NAALADL2: variants seen among roughly 807,000 people sequenced by gnomAD.
NAALADL2 encodes the protein inactive N-acetylated-alpha-linked acidic dipeptidase-like protein 2.
NAALADL2 carries 76 observed loss-of-function variants against 87.2 expected under a neutral mutation model. The ratio of observed to expected loss-of-function variants is 0.87; its 90% CI spans 0.72 to 1.05. NAALADL2 has a LOEUF of 1.05. NAALADL2 is among the 50% of genes least tolerant of loss of function. The pLI is 0.00. For synonymous variants in NAALADL2, 354 were observed against 331.0 expected, an observed-to-expected ratio of 1.07 and a Z score of -0.75; for missense variants, 1,089 against 945.8, an observed-to-expected ratio of 1.15 and a Z score of -1.99.
intron 1 of NAALADL2, among the ~76,000 whole-genome samples, chr3:174,934,526 C>T (rs1167335517): frequency 6.6e-6 from 1 of 151,796 alleles, no homozygotes; most frequent in Non-Finnish European, 1.5e-5. Context: ...AAATATCAAC[C>T]ATGTGCCGAG....
intron 9 of NAALADL2, among the ~76,000 whole-genome samples, chr3:175,540,629 T>C (rs185373773): frequency 8.8e-4 from 134 of 152,170 alleles, no homozygotes; most frequent in African/African-American, 3.2e-3. Flanking sequence ...AGAAGGCCAT[T>C]GCAATAGTAA....
chr3:175,334,237 G>C (rs1451393530), intron 5 of NAALADL2, among the ~76,000 whole-genome samples: 2 of 152,012 alleles, frequency 1.3e-5, no homozygotes, highest in Non-Finnish European at 2.9e-5. Flanking sequence ...GCTAGATTAG[G>C]TAGATTAGAT....
intron 10 of NAALADL2, among the ~76,000 whole-genome samples, chr3:175,579,199 TTATCTATCTATC>T (rs67378801): frequency 6.7e-6 from 1 of 150,104 alleles, no homozygotes; most frequent in Non-Finnish European, 1.5e-5. Context: ...AGAATTACTA[TTATCTATCTATC>T]TATCTATCTA....
chr3:174,980,531 T>C (rs1322393487), intron 1 of NAALADL2, among the ~76,000 whole-genome samples: 2 of 152,084 alleles, frequency 1.3e-5, no homozygotes, highest in Non-Finnish European at 2.9e-5. Context: ...ATTATAATAG[T>C]AACCCAAAGC....
intron 1 of NAALADL2, among the ~76,000 whole-genome samples, chr3:174,446,336 A>T (rs1182422024): frequency 1.3e-5 from 2 of 152,312 alleles, no homozygotes; most frequent in East Asian, 3.9e-4. Context: ...TATTCTTTGT[A>T]TATAATATCA....
intron 1 of NAALADL2, among the ~76,000 whole-genome samples, chr3:174,498,385 G>A (rs1718679062): frequency 2.6e-5 from 4 of 151,850 alleles, no homozygotes; most frequent in Admixed American, 1.3e-4. Context: ...TTTTTGTGGA[G>A]TAGTATTCCA....
At position 175,607,452 on chromosome 3, in the gene NAALADL2, T is replaced by A. The variant is rs73881304; in HGVS notation, c.1801-19839T>A. On this transcript the variant is annotated intron_variant, in intron 10 of 13. Transcript: ENST00000454872. ...ACTCATAATTTGAGACAGAATCACA[T>A]CTGTGTAATCCTTGATAGATTTACA... Among the ~76,000 whole-genome samples the A allele has an allele frequency of 3.7e-3, 562 of 152,320 alleles. 2 individuals carry two copies. Among genetic ancestry groups the A allele is most frequent in the African/African-American group, 0.013 (554 of 41,584 alleles).
chr3:175,729,021 G>A (rs1359099058), intron 11 of NAALADL2, among the ~76,000 whole-genome samples: 1 of 152,074 alleles, frequency 6.6e-6, no homozygotes, highest in Non-Finnish European at 1.5e-5. Flanking sequence ...AGTCATCTAG[G>A]TTCCTGCTCC....
chr3:175,735,479 A>T (rs969347020), intron 11 of NAALADL2, among the ~76,000 whole-genome samples: 2 of 152,218 alleles, frequency 1.3e-5, no homozygotes, highest in Non-Finnish European at 2.9e-5. Context: ...ATAAAGACAT[A>T]TCCAAGACTG....
At chr3:174,979,945 C>G (rs1020949128) in intron 1 of NAALADL2, among the ~76,000 whole-genome samples, 5 of 152,248 alleles carry the variant, frequency 3.3e-5, no homozygotes, top group African/African-American at 9.6e-5. Context: ...CTAAACTCTT[C>G]ACATCCCCAA....
At chr3:175,386,613 A>G (rs966039512) in intron 5 of NAALADL2, among the ~76,000 whole-genome samples, 3 of 152,062 alleles carry the variant, frequency 2.0e-5, no homozygotes, top group African/African-American at 7.2e-5. Context: ...CAATTTCAGA[A>G]CAGATCAATG....
intron 4 of NAALADL2, chr3:175,270,916 T>C (rs1324830751): frequency 6.6e-6 from 1 of 152,228 alleles, no homozygotes; most frequent in African/African-American, 2.4e-5. Flanking sequence ...ATTATTTTAT[T>C]GCACTAAATA....
At chr3:175,774,280 T>C (rs982177181) in intron 13 of NAALADL2, among the ~76,000 whole-genome samples, 10 of 152,176 alleles carry the variant, frequency 6.6e-5, no homozygotes, top group Middle Eastern at 6.8e-3. Context: ...ACATTAAGAT[T>C]TATGGTAAGC....
chr3:175,070,304 C>A (rs1395990070), intron 1 of NAALADL2, among the ~76,000 whole-genome samples: 1 of 148,634 alleles, frequency 6.7e-6, no homozygotes, highest in Admixed American at 6.9e-5. Flanking sequence ...AGGATTCGAA[C>A]ATAGAATTAT....
At chr3:175,311,653 TC>T (rs1203901722) in intron 4 of NAALADL2, among the ~76,000 whole-genome samples, 1 of 132,274 alleles carries the variant, frequency 7.6e-6, no homozygotes, top group Non-Finnish European at 1.6e-5. Context: ...CCTCTCTCCC[TC>T]CCTCCCTTCT....
Position 175,718,195 on chromosome 3 carries a change from G to GGTTTT in NAALADL2, c.1897-19111_1897-19110insGTTTT. The GGTTTT allele has an allele frequency of 1.8e-5, 15 of 822,734 alleles. 2 individuals carry two copies. The South Asian group carries it at 2.8e-4, about 15-fold the overall frequency. The allele number at this position is 822,734 out of a possible 1,614,324, so 51.0% of individuals were successfully genotyped here. On this transcript the variant is annotated intron_variant, in intron 11 of 13. Coordinates refer to ENST00000454872, the MANE Select transcript of NAALADL2 (RefSeq NM_207015.3). The stretch of plus-strand genomic sequence containing the variant: ...TGGAGGGGAAGGGGAAGGGCCTGTG[G>GGTTTT]TTTTTTTTTTTTTTTTTTTTTTTTT...
chr3:175,414,255 G>A (rs1285083741), intron 5 of NAALADL2, among the ~76,000 whole-genome samples: 3 of 152,178 alleles, frequency 2.0e-5, no homozygotes, highest in Admixed American at 1.3e-4. Flanking sequence ...AAAACGCAGG[G>A]AGCCAGAATC....
chr3:175,497,968 T>C (rs1336735512), intron 9 of NAALADL2, among the ~76,000 whole-genome samples: 1 of 152,096 alleles, frequency 6.6e-6, no homozygotes, highest in Non-Finnish European at 1.5e-5. Context: ...AGTGTGCATG[T>C]AATATTTAGA....
At chr3:174,910,657 C>A (rs759407056) in intron 1 of NAALADL2, among the ~76,000 whole-genome samples, 4 of 151,940 alleles carry the variant, frequency 2.6e-5, no homozygotes, top group Non-Finnish European at 4.4e-5. Flanking sequence ...GTGGGACGAG[C>A]AGTGGGGAGT....
Sources: gnomAD v4.1 joint callset for allele counts (sites outside exome capture counted in the v4.1 genomes callset) on GRCh38, gnomAD v4.1.1 for gene constraint, MANE v1.5 for transcripts, NCBI Gene and HGNC (gene_info 2026-07-23, HGNC 2026-07-21) for gene names.